PABPN1: variants seen among roughly 807,000 people sequenced by gnomAD.
The protein encoded by PABPN1 is poly(A) binding protein nuclear 1.
PABPN1 carries 5 observed loss-of-function variants against 33.4 expected under a neutral mutation model. The ratio of observed to expected loss-of-function variants is 0.15; its 90% confidence interval spans 0.08 to 0.32. The LOEUF (loss-of-function observed/expected upper bound fraction) is 0.32, where lower values mean the gene tolerates loss of function less well. Among genes scored for constraint, PABPN1 ranks in the 10% least tolerant of loss-of-function variants. PABPN1 has a pLI of 1.00. For missense variants in PABPN1, 312 were observed against 425.8 expected, an observed-to-expected ratio of 0.73 and a Z score of 2.35; for synonymous variants, 176 against 170.6, an observed-to-expected ratio of 1.03 and a Z score of -0.25.
chr14:23,322,355 G>A, intron 2 of PABPN1, 60 bp downstream of exon 2: 4 of 1,463,850 alleles, frequency 2.7e-6, no homozygotes, highest in Non-Finnish European at 3.8e-6. Flanking sequence ...GTTGTGGGGA[G>A]GATGGGGAAT....
intron 2 of PABPN1, 135 bp from the exon 3 acceptor site, chr14:23,322,864 C>A: frequency 9.3e-7 from 1 of 1,077,298 alleles, no homozygotes. Flanking sequence ...GTTGTGGGTA[C>A]AGCAGGGAAC....
chr14:23,325,096 T>C, intron 6 of PABPN1, 151 bp from the exon 7 acceptor site: 1 of 1,036,230 alleles, frequency 9.7e-7, no homozygotes, highest in Non-Finnish European at 1.4e-6. Flanking sequence ...TGCGTTACTA[T>C]TTCTGGGATC....
intron 6 of PABPN1, 35 bp from the exon 7 acceptor site, chr14:23,325,212 T>C (rs763714640): frequency 1.2e-6 from 2 of 1,613,392 alleles, no homozygotes; most frequent in Non-Finnish European, 1.7e-6. Context: ...TATCTAGTGA[T>C]CACGTTAACA....
chr14:23,325,088 C>A, intron 6 of PABPN1, 159 bp from the exon 7 acceptor site: 2 of 935,824 alleles, frequency 2.1e-6, no homozygotes, highest in Non-Finnish European at 3.1e-6. Context: ...TCTCCAGGTG[C>A]GTTACTATTT....
In PABPN1 at chr14:23,324,106, T is replaced by A. The variant is rs745799485; in HGVS notation, c.730-32T>A. The stretch of plus-strand genomic sequence containing the variant: ...TGTGTATAAACTCTCCAGGTTGCCT[T>A]TAAGGCTATCATTTGTTCATCTCTG... On this transcript the variant is annotated intron_variant, in intron 5 of 6. Transcript: ENST00000216727. 23 of 1,614,142 alleles carry A rather than the reference T, an allele frequency of 1.4e-5. No individual in the cohort carries two copies. The South Asian group carries it at 2.5e-4, about 18-fold the overall frequency.
Position 23,325,405 on chromosome 14 carries a change from A to C in PABPN1, c.*119A>C. 7.8e-7 allele frequency: 1 copy of C among 1,285,706 alleles called. No individual in the cohort carries two copies. Among genetic ancestry groups the C allele is most frequent in the Non-Finnish European group, 1.1e-6 (1 of 945,746 alleles). 79.6% of individuals were successfully genotyped at this position (1,285,706 alleles called of 1,614,324 possible). ...CCTTGATGGAAAAAAAATATTTTTT[A>C]AAAAAAAGATATACTGTGGAAGGGG... On this transcript the variant is annotated 3_prime_UTR_variant, in exon 7 of 7. Coordinates refer to ENST00000216727, the MANE Select transcript of PABPN1 (RefSeq NM_004643.4).
intron 6 of PABPN1, chr14:23,324,517 GGTTCAAA>G: frequency 1.6e-6 from 1 of 613,566 alleles, no homozygotes. Context: ...TCCCTCCCTT[GGTTCAAA>G]GAGGCTTCCA....
chr14:23,325,349 T>TAAAAAAAAAAAA lies in PABPN1; in HGVS notation c.*66_*77dup. ...AGGAAAGAAGGAAAAAAAAAAGAAT[T>TAAAAAAAAAAAA]AAAAAAAAAAAAAAGAAAAACAGAA... On this transcript the variant is annotated 3_prime_UTR_variant, in exon 7 of 7. Coordinates refer to ENST00000216727, the MANE Select transcript of PABPN1 (RefSeq NM_004643.4). 9.2e-7 allele frequency: 1 copy of TAAAAAAAAAAAA among 1,092,186 alleles called. No individual in the cohort carries two copies. The highest frequency in any genetic ancestry group is 1.2e-6 in the Non-Finnish European group (1 of 814,904). 67.7% of individuals were successfully genotyped at this position (1,092,186 alleles called of 1,614,324 possible).
rs1305681414 is a variant in PABPN1 at position 23,321,734 on chromosome 14, G to T, written c.265G>T (p.Gly89Cys). The T allele has an allele frequency of 3.2e-6, 5 of 1,541,482 alleles. No homozygotes were observed. The highest frequency in any genetic ancestry group is 3.5e-6 in the Non-Finnish European group (4 of 1,143,820). Residue 89 changes from glycine (G) to cysteine (C), a missense_variant, in exon 1 of 7, where the codon GGT becomes TGT. Gly to Cys is a radical substitution (Grantham distance 159). This residue lies in a region of PABPN1 where 167 missense variants were observed against 168.9 expected (regional missense o/e 0.99). Coordinates refer to ENST00000216727, the MANE Select transcript of PABPN1 (RefSeq NM_004643.4). ...CCCGGGAGCTCCGGGCCCTGGGCCT[G>T]GTTCGGGAGCCCCCGGCAGCCAAGA... Reference protein sequence around the residue: ...APPGAPGPGPGSGAPGSQEEE... With the variant: ...APPGAPGPGPCSGAPGSQEEE...
At chr14:23,322,040 G>C in intron 1 of PABPN1, 141 bp from the exon 2 acceptor site, 1 of 958,206 alleles carries the variant, frequency 1.0e-6, no homozygotes, top group Non-Finnish European at 1.6e-6. Context: ...AGAGAGGGTA[G>C]CTTTTCTTTT....
intron 5 of PABPN1, 43 bp downstream of exon 5, chr14:23,324,095 C>G: frequency 6.2e-7 from 1 of 1,614,138 alleles, no homozygotes; most frequent in Non-Finnish European, 8.5e-7. Flanking sequence ...TATAAACTCT[C>G]CAGGTTGCCT....
rs1054084 is a variant in PABPN1, at chr14:23,325,598, G to A, written c.*312G>A. On this transcript the variant is annotated 3_prime_UTR_variant, in exon 7 of 7. Coordinates refer to ENST00000216727, the MANE Select transcript of PABPN1 (RefSeq NM_004643.4). The stretch of plus-strand genomic sequence containing the variant: ...CCCTGCCCCACTTCACCCCCTTGGG[G>A]GCTGCTCAAGGGTAGGTGGGCGTGG... 5.5e-6 allele frequency: 2 copies of A among 362,178 alleles called. No homozygotes were observed. Among genetic ancestry groups the A allele is most frequent in the East Asian group, 1.0e-4 (2 of 19,380 alleles). 22.4% of individuals were successfully genotyped at this position (362,178 alleles called of 1,614,324 possible). A position where few individuals can be genotyped will look rare whatever the true frequency, so the allele number is the denominator to read the frequency against.
At chr14:23,322,091 G>T in intron 1 of PABPN1, 90 bp from the exon 2 acceptor site, 2 of 1,370,194 alleles carry the variant, frequency 1.5e-6, no homozygotes, top group Non-Finnish European at 2.0e-6. Context: ...GGCCGAGCAT[G>T]GCTGAGGCCG....
intron 1 of PABPN1, 140 bp downstream of exon 1, chr14:23,321,960 A>G (rs1362798350): frequency 2.6e-6 from 2 of 778,450 alleles, no homozygotes; most frequent in Non-Finnish European, 4.0e-6. Context: ...CGGGCCGGGG[A>G]TGGGTCAGCG....
intron 2 of PABPN1, 80 bp from the exon 3 acceptor site, chr14:23,322,919 G>T: frequency 6.3e-7 from 1 of 1,592,016 alleles, no homozygotes; most frequent in East Asian, 2.2e-5. Flanking sequence ...ATGGGATAGT[G>T]CTGGTGGTGG....
chr14:23,325,326 G>C lies in PABPN1; in HGVS notation c.*40G>C. On this transcript the variant is annotated 3_prime_UTR_variant, in exon 7 of 7. Coordinates refer to ENST00000216727, the MANE Select transcript of PABPN1 (RefSeq NM_004643.4). Reference sequence around the variant, plus strand: ...AGGAGGAGAGAGAGGAAAAAAAGAGGAAAGAAGGAAAAAAAAAAGAATTAA... The same window carrying C: ...AGGAGGAGAGAGAGGAAAAAAAGAGCAAAGAAGGAAAAAAAAAAGAATTAA... 7.2e-7 allele frequency: 1 copy of C among 1,386,254 alleles called. No individual in the cohort carries two copies. Among genetic ancestry groups the C allele is most frequent in the Non-Finnish European group, 9.6e-7 (1 of 1,036,644 alleles). 85.9% of individuals were successfully genotyped at this position (1,386,254 alleles called of 1,614,324 possible).
intron 2 of PABPN1, chr14:23,322,498 C>T (rs1206052099): frequency 3.3e-6 from 2 of 614,038 alleles, no homozygotes; most frequent in South Asian, 3.6e-5. Context: ...AGCCTTGTGC[C>T]TCCCTTTGTG....
intron 6 of PABPN1, chr14:23,324,552 C>G (rs1888594126): frequency 1.7e-6 from 1 of 592,594 alleles, no homozygotes; most frequent in Admixed American, 3.0e-5. Context: ...CCTTTTTTTT[C>G]TTGGGAGTTG....
chr14:23,323,582 G>T, intron 4 of PABPN1, 99 bp downstream of exon 4: 2 of 1,121,406 alleles, frequency 1.8e-6, no homozygotes, highest in Non-Finnish European at 2.7e-6. Flanking sequence ...TGTTAACACA[G>T]GTGATCTGTG....
Sources: gnomAD v4.1 joint callset for allele counts on GRCh38, gnomAD v4.1.1 for gene constraint, gnomAD v4.1.1 regional missense constraint, MANE v1.5 for transcripts, NCBI Gene and HGNC (gene_info 2026-07-23, HGNC 2026-07-21) for gene names.